Variants in DHRSX observed in about 807,000 individuals in gnomAD.
The protein encoded by DHRSX is dehydrogenase/reductase X-linked, also known as polyprenol dehydrogenase.
In DHRSX, 31 loss-of-function variants were observed where a neutral mutation model predicts 34.0. The ratio of observed to expected loss-of-function variants is 0.91; its 90% confidence interval spans 0.69 to 1.23. The LOEUF (loss-of-function observed/expected upper bound fraction) is 1.23, where lower values mean the gene tolerates loss of function less well. Ranked by LOEUF, DHRSX falls within the 50% of genes most tolerant of loss-of-function variation. The pLI is 0.00. For missense variants in DHRSX, 414 were observed against 428.1 expected (o/e 0.97, Z 0.29); for synonymous variants, 201 against 183.8 (o/e 1.09, Z -0.76).
chrX:2,309,235 C>T (rs2042135871), intron 3 of DHRSX, among the ~76,000 whole-genome samples: 1 of 152,010 alleles, frequency 6.6e-6, no homozygotes, highest in Non-Finnish European at 1.5e-5. Flanking sequence ...TTCTTCTAGA[C>T]TTTCAAAGAA....
At chrX:2,375,489 T>A (rs1480355619) in intron 3 of DHRSX, among the ~76,000 whole-genome samples, 2 of 138,102 alleles carry the variant, frequency 1.4e-5, no homozygotes, top group African/African-American at 4.9e-5. Context: ...TGGATGCCCG[T>A]TTTCTTCCTC....
At chrX:2,355,726 T>C (rs1356221730) in intron 3 of DHRSX, among the ~76,000 whole-genome samples, 4 of 151,962 alleles carry the variant, frequency 2.6e-5, no homozygotes, top group Non-Finnish European at 5.9e-5. Flanking sequence ...CATCACATCC[T>C]AGAGAAGCCC....
chrX:2,247,874 G>A (rs1206308601), intron 5 of DHRSX, among the ~76,000 whole-genome samples: 1 of 151,976 alleles, frequency 6.6e-6, no homozygotes, highest in African/African-American at 2.4e-5. Flanking sequence ...AGGGCACCAC[G>A]GAAACTGGAA....
intron 3 of DHRSX, among the ~76,000 whole-genome samples, chrX:2,355,511 TAAAAAAAAAAAAAA>T (rs767512287): frequency 0.019 from 1,452 of 75,300 alleles, 30 homozygotes; most frequent in Admixed American, 0.028. Flanking sequence ...AGACCCCATC[TAAAAAAAAAAAAAA>T]AAAAAAAAAA....
At chrX:2,406,594 C>T (rs756835267) in intron 3 of DHRSX, among the ~76,000 whole-genome samples, 1 of 152,084 alleles carries the variant, frequency 6.6e-6, no homozygotes, top group South Asian at 2.1e-4. Flanking sequence ...GCCCCTGCCA[C>T]CACGCTCGGC....
chrX:2,325,421 C>T (rs768827290), intron 3 of DHRSX, among the ~76,000 whole-genome samples: 2 of 152,278 alleles, frequency 1.3e-5, no homozygotes, highest in African/African-American at 4.8e-5. Context: ...AACGGCGGCT[C>T]CATCTTCCCA....
intron 3 of DHRSX, among the ~76,000 whole-genome samples, chrX:2,339,188 C>T (rs906573602): frequency 9.2e-5 from 14 of 151,796 alleles, no homozygotes; most frequent in African/African-American, 1.2e-4. Flanking sequence ...CAGGCTGGAG[C>T]GCAGTGGCAT....
intron 1 of DHRSX, among the ~76,000 whole-genome samples, chrX:2,425,744 A>G (rs183573685): frequency 9.2e-5 from 14 of 152,252 alleles, no homozygotes; most frequent in Admixed American, 7.2e-4. Flanking sequence ...AGATCAGGAG[A>G]CTGCCGTTAA....
chrX:2,411,233 G>A (rs761930714), intron 2 of DHRSX, among the ~76,000 whole-genome samples: 41 of 152,126 alleles, frequency 2.7e-4, no homozygotes, highest in African/African-American at 7.5e-4. Flanking sequence ...CTGCTCTGCC[G>A]TATCAGCCAT....
At chrX:2,431,988 C>G (rs1443789446) in intron 1 of DHRSX, among the ~76,000 whole-genome samples, 1 of 152,052 alleles carries the variant, frequency 6.6e-6, no homozygotes, top group Non-Finnish European at 1.5e-5. Context: ...GTCAGGAGTT[C>G]AAGACCAGCC....
chrX:2,308,629 G>A (rs2042128431), intron 3 of DHRSX, among the ~76,000 whole-genome samples: 1 of 152,162 alleles, frequency 6.6e-6, no homozygotes. Context: ...GCTGAATTGA[G>A]ATGAAGCTAT....
intron 3 of DHRSX, among the ~76,000 whole-genome samples, chrX:2,333,228 C>T (rs750593508): frequency 6.6e-6 from 1 of 151,962 alleles, no homozygotes; most frequent in Non-Finnish European, 1.5e-5. Context: ...ATTTTTTGAA[C>T]GTTTTTGAGT....
chrX:2,408,766 C>G lies in DHRSX; in HGVS notation c.265G>C (p.Glu89Gln). ...GTACCTTTGTCGTTCAAGGTTTCTT[C>G]TTTTATTTTGCTTACAACTTGTTTG... ...KAKQVVSKIKEETLNDKVEFL... is the reference protein window; with the variant it reads ...KAKQVVSKIKQETLNDKVEFL... Residue 89 changes from glutamate to glutamine, a missense_variant, in exon 3 of 7, where the codon GAA (glutamate) becomes CAA (glutamine). By Grantham distance (29) the Glu-to-Gln change is conservative (BLOSUM62 2). Coordinates refer to ENST00000334651, the MANE Select transcript of DHRSX (RefSeq NM_145177.3). 1 of 1,611,222 alleles carries G rather than the reference C, an allele frequency of 6.2e-7. No homozygotes were observed. The highest frequency in any genetic ancestry group is 1.1e-5 in the South Asian group (1 of 90,632).
chrX:2,314,478 G>GT (rs1210000727), intron 3 of DHRSX, among the ~76,000 whole-genome samples: 1 of 115,052 alleles, frequency 8.7e-6, no homozygotes, highest in Admixed American at 7.7e-5. Context: ...GAGAAGGAAG[G>GT]AAGGAAGGAA....
chrX:2,420,785 G>T (rs1371413351), intron 2 of DHRSX, among the ~76,000 whole-genome samples: 2 of 151,862 alleles, frequency 1.3e-5, no homozygotes, highest in African/African-American at 4.8e-5. Context: ...TGCTCAAGTG[G>T]GAGTTAGGCA....
intron 6 of DHRSX, among the ~76,000 whole-genome samples, chrX:2,226,827 C>G (rs2015675278): frequency 6.6e-6 from 1 of 151,940 alleles, no homozygotes; most frequent in African/African-American, 2.4e-5. Flanking sequence ...AGAAAACACC[C>G]AGACCATGGG....
intron 3 of DHRSX, among the ~76,000 whole-genome samples, chrX:2,398,010 C>T (rs2043436150): frequency 6.6e-6 from 1 of 151,740 alleles, no homozygotes; most frequent in South Asian, 2.1e-4. Context: ...TGCCAACAGG[C>T]TGATCTCACA....
chrX:2,489,109 C>T (rs2045044226), intron 1 of DHRSX: 16 of 1,613,404 alleles, frequency 9.9e-6, no homozygotes, highest in South Asian at 2.2e-5. Context: ...CGGGCGGCGG[C>T]GTGGATGTCC....
chrX:2,310,432 G>A (rs944120237), intron 3 of DHRSX, among the ~76,000 whole-genome samples: 4 of 152,012 alleles, frequency 2.6e-5, no homozygotes, highest in East Asian at 1.9e-4. Flanking sequence ...GGTATGGAGC[G>A]CCTCTCTGGA....
Sources: gnomAD v4.1 joint callset for allele counts (sites outside exome capture counted in the v4.1 genomes callset) on GRCh38, gnomAD v4.1.1 for gene constraint, MANE v1.5 for transcripts, NCBI Gene and HGNC (gene_info 2026-07-23, HGNC 2026-07-21) for gene names.